The following DHRS3 variants were observed in gnomAD, a reference collection of about 807,000 sequenced individuals.
DHRS3 encodes dehydrogenase/reductase 3.
Under a neutral mutation model 27.2 loss-of-function variants are expected in DHRS3, and 14 were observed. That is an observed-to-expected ratio of 0.52 (90% CI 0.34 to 0.81). The LOEUF (loss-of-function observed/expected upper bound fraction) is 0.81, where lower values mean the gene tolerates loss of function less well. Among genes scored for constraint, DHRS3 ranks in the 30% least tolerant of loss-of-function variants. The pLI, the probability that DHRS3 is intolerant of heterozygous loss-of-function variation, is 0.01. For missense variants in DHRS3, 322 were observed against 406.2 expected, an observed-to-expected ratio of 0.79 and a Z score of 1.78; for synonymous variants, 165 against 175.9, an observed-to-expected ratio of 0.94 and a Z score of 0.49.
chr1:12,616,325 G>A (rs1390236491), intron 1 of DHRS3, among the ~76,000 whole-genome samples: 1 of 152,140 alleles, frequency 6.6e-6, no homozygotes, highest in East Asian at 1.9e-4. Flanking sequence ...AGCCTGGCCT[G>A]GGCTGGGAGT....
intron 1 of DHRS3, among the ~76,000 whole-genome samples, chr1:12,616,117 A>G (rs1646942570): frequency 6.6e-6 from 1 of 152,264 alleles, no homozygotes. Flanking sequence ...TTGGTTTTCT[A>G]CAGTACATAT....
intron 4 of DHRS3, among the ~76,000 whole-genome samples, chr1:12,576,493 C>T (rs187700630): frequency 7.3e-5 from 11 of 151,664 alleles, no homozygotes; most frequent in South Asian, 2.1e-4. Flanking sequence ...ACCCGGGAGA[C>T]GGAGCTTGCA....
intron 1 of DHRS3, among the ~76,000 whole-genome samples, chr1:12,590,649 A>G (rs1057490634): frequency 6.6e-6 from 1 of 152,182 alleles, no homozygotes; most frequent in African/African-American, 2.4e-5. Flanking sequence ...CGCTAAAAAA[A>G]AAAAATAGTT....
rs1646950023 is a variant in DHRS3, at chr1:12,617,189, G to C, written c.160C>G (p.Leu54Val). 6.2e-7 allele frequency: 1 copy of C among 1,612,822 alleles called. No individual in the cohort carries two copies. Among genetic ancestry groups the C allele is most frequent in the Non-Finnish European group, 8.5e-7 (1 of 1,179,800 alleles). Residue 54 changes from leucine to valine, a missense_variant, in exon 1 of 6, where the codon CTC (leucine) becomes GTC (valine). By Grantham distance (32) the Leu-to-Val change is conservative. Coordinates refer to ENST00000616661, the MANE Select transcript of DHRS3 (RefSeq NM_004753.7). ...TGGGRGIGRQLAREFAERGAR... is the reference protein window; with the variant it reads ...TGGGRGIGRQVAREFAERGAR... ...CCGCGCTCCGCGAACTCGCGGGCGA[G>C]CTGACGCCCGATGCCTCTCCCGCCG...
chr1:12,580,953 G>T (rs1222248750), intron 1 of DHRS3, among the ~76,000 whole-genome samples: 1 of 152,010 alleles, frequency 6.6e-6, no homozygotes, highest in Non-Finnish European at 1.5e-5. Flanking sequence ...CTCCGGAGTG[G>T]CTGGGACCAC....
At chr1:12,600,409 C>T (rs993175537) in intron 1 of DHRS3, 6 of 985,270 alleles carry the variant, frequency 6.1e-6, no homozygotes, top group Middle Eastern at 5.2e-4. Context: ...GCTGTGTGCT[C>T]ATAGGGAAGT....
intron 1 of DHRS3, among the ~76,000 whole-genome samples, chr1:12,598,680 T>C (rs1277298372): frequency 1.3e-5 from 2 of 152,178 alleles, no homozygotes; most frequent in East Asian, 1.9e-4. Flanking sequence ...CTGGATTGCA[T>C]TTCTAAAGTC....
intron 1 of DHRS3, among the ~76,000 whole-genome samples, chr1:12,606,987 G>GT (rs1175309545): frequency 1.3e-5 from 2 of 152,160 alleles, no homozygotes; most frequent in African/African-American, 4.8e-5. Flanking sequence ...CATGGCAATA[G>GT]TTTTTTTGGG....
intron 1 of DHRS3, among the ~76,000 whole-genome samples, chr1:12,599,183 C>T (rs1646819254): frequency 6.6e-6 from 1 of 152,264 alleles, no homozygotes; most frequent in South Asian, 2.1e-4. Context: ...TTGGAGTTAA[C>T]CCTTCCGGCT....
chr1:12,601,771 G>A (rs559788880), intron 1 of DHRS3, among the ~76,000 whole-genome samples: 37 of 152,262 alleles, frequency 2.4e-4, no homozygotes, highest in African/African-American at 8.4e-4. Context: ...TTTACTAGCT[G>A]TGTGATTCTA....
At chr1:12,599,984 A>C (rs1437980589) in intron 1 of DHRS3, among the ~76,000 whole-genome samples, 1 of 152,138 alleles carries the variant, frequency 6.6e-6, no homozygotes, top group African/African-American at 2.4e-5. Flanking sequence ...AACAACAAAG[A>C]CTGGTTGGAA....
Position 12,604,650 on chromosome 1 carries a change from T to G in DHRS3, c.195+12504A>C, listed in dbSNP as rs565742465. 7.9e-5 allele frequency among the ~76,000 whole-genome samples: 12 copies of G among 152,274 alleles called. No homozygotes were observed. The South Asian group carries it at 2.5e-3, about 32-fold the overall frequency. On this transcript the variant is annotated intron_variant, in intron 1 of 5. Coordinates refer to ENST00000616661, the MANE Select transcript of DHRS3 (RefSeq NM_004753.7). ...GAGGCAGGCCAGGCCAGGCTGAGAT[T>G]ATTTGTTGCAGTGGGAAAAGATGGA...
chr1:12,585,161 G>C (rs962880703), intron 1 of DHRS3, among the ~76,000 whole-genome samples: 4 of 134,796 alleles, frequency 3.0e-5, no homozygotes, highest in Non-Finnish European at 6.5e-5. Flanking sequence ...GTGTCTCTGT[G>C]TGTCTGTGGG....
chr1:12,581,522 ATGGCCTC>A (rs1646643847), intron 1 of DHRS3, among the ~76,000 whole-genome samples: 3 of 152,208 alleles, frequency 2.0e-5, no homozygotes, highest in Non-Finnish European at 2.9e-5. Flanking sequence ...AGAAGGAAGC[ATGGCCTC>A]ACCCGGCAGG....
intron 1 of DHRS3, among the ~76,000 whole-genome samples, chr1:12,605,496 T>C (rs914984772): frequency 5.9e-5 from 9 of 152,224 alleles, no homozygotes; most frequent in African/African-American, 2.2e-4. Context: ...CAGTACCATG[T>C]ATAGTAATAG....
At chr1:12,573,229 T>C (rs779224102) in intron 4 of DHRS3, among the ~76,000 whole-genome samples, 1 of 152,224 alleles carries the variant, frequency 6.6e-6, no homozygotes, top group South Asian at 2.1e-4. Context: ...ATTTCTGTTC[T>C]TGTCACATCA....
intron 1 of DHRS3, among the ~76,000 whole-genome samples, chr1:12,597,961 C>A (rs115997464): frequency 0.017 from 2,662 of 152,330 alleles, 37 homozygotes; most frequent in Non-Finnish European, 0.027. Context: ...AACAGGAACA[C>A]CCAGTGGGAC....
At chr1:12,611,258 T>C (rs1646907338) in intron 1 of DHRS3, among the ~76,000 whole-genome samples, 1 of 152,126 alleles carries the variant, frequency 6.6e-6, no homozygotes, top group Non-Finnish European at 1.5e-5. Flanking sequence ...GCACTGAAAA[T>C]GAACTTGACT....
intron 4 of DHRS3, among the ~76,000 whole-genome samples, chr1:12,575,366 T>A (rs535599707): frequency 1.0e-3 from 154 of 152,154 alleles, no homozygotes; most frequent in African/African-American, 3.6e-3. Context: ...AATAGCAATT[T>A]ATAAACAATA....
Sources: allele counts gnomAD v4.1 joint callset (sites outside exome capture counted in the v4.1 genomes callset), GRCh38; gene constraint gnomAD v4.1.1; transcripts MANE v1.5; gene names NCBI Gene and HGNC (gene_info 2026-07-23, HGNC 2026-07-21).